ACSL1: variants seen among roughly 807,000 people sequenced by gnomAD.
ACSL1 encodes the protein acyl-CoA synthetase long chain family member 1, also known as long-chain-fatty-acid--CoA ligase 1.
In ACSL1, 41 loss-of-function variants were observed where a neutral mutation model predicts 98.4. That is an observed-to-expected ratio of 0.42 (90% CI 0.32 to 0.54). The LOEUF is 0.54. ACSL1 is among the 20% of genes least tolerant of loss of function. The probability of loss-of-function intolerance (pLI) is 0.13; values close to 1 mark genes in which losing one functional copy is unlikely to be tolerated. For synonymous variants in ACSL1, 316 were observed against 322.7 expected (o/e 0.98, Z 0.22); for missense variants, 734 against 883.1 (o/e 0.83, Z 2.14).
chr4:184,800,539 C>T (rs1579939240), intron 2 of ACSL1, among the ~76,000 whole-genome samples: 1 of 152,164 alleles, frequency 6.6e-6, no homozygotes, highest in East Asian at 1.9e-4. Context: ...TTATCTGTGA[C>T]AGTGATGTAA....
intron 5 of ACSL1, among the ~76,000 whole-genome samples, chr4:184,779,476 A>G (rs1276531095): frequency 6.6e-6 from 1 of 152,178 alleles, no homozygotes; most frequent in East Asian, 1.9e-4. Flanking sequence ...AAATGGACTA[A>G]CACACTTTTA....
intron 1 of ACSL1, among the ~76,000 whole-genome samples, chr4:184,818,490 C>T (rs1037369731): frequency 5.9e-5 from 9 of 152,272 alleles, no homozygotes; most frequent in African/African-American, 1.4e-4. Flanking sequence ...ATAAGATCTA[C>T]GTTTTGCACA....
At chr4:184,816,465 G>A (rs1278530654) in intron 1 of ACSL1, among the ~76,000 whole-genome samples, 1 of 152,092 alleles carries the variant, frequency 6.6e-6, no homozygotes, top group African/African-American at 2.4e-5. Context: ...GAAGATTATA[G>A]AATAATGACC....
rs779667530 is a variant in ACSL1 at position 184,757,808 on chromosome 4, C to A, written c.1884+11G>T. The stretch of plus-strand genomic sequence containing the variant: ...TATGATGAGGACAGACTGGACCCTT[C>A]AGAACCTTACCTTATTTCTGCACAG... On this transcript the variant is annotated intron_variant, in intron 19 of 20. Transcript: ENST00000281455. The surrounding 1 kb of genome is among the most constrained non-coding windows in gnomAD (Gnocchi z 4.5). 8.7e-6 allele frequency: 14 copies of A among 1,613,820 alleles called. No individual in the cohort carries two copies. In the African/African-American group the frequency reaches 1.6e-4, roughly 18 times the overall value.
chr4:184,801,252 C>T (rs577589598), intron 2 of ACSL1, among the ~76,000 whole-genome samples: 5 of 152,148 alleles, frequency 3.3e-5, no homozygotes, highest in East Asian at 1.9e-4. Flanking sequence ...AAACAGCCAG[C>T]GTGGGTTGTG....
At position 184,765,974 on chromosome 4, in the gene ACSL1, C is replaced by T. The variant is rs764328821; in HGVS notation, c.1276G>A (p.Gly426Arg). Reference protein sequence around the residue: ...IFHKVQSSLGGRVRLMVTGAA... With the variant: ...IFHKVQSSLGRRVRLMVTGAA... ...CCTGTCACCATCAGCCGGACTCTTC[C>T]GCCCAGGCTCGACTTTCAGGGAGGG... The change falls in exon 14 of 21, where the codon GGA becomes AGA. Residue 426 changes from glycine to arginine, a missense_variant. Transcript: ENST00000281455. 27 of 1,613,632 alleles carry T rather than the reference C, an allele frequency of 1.7e-5. No individual in the cohort carries two copies. The highest frequency in any genetic ancestry group is 1.5e-4 in the African/African-American group (11 of 74,930).
intron 3 of ACSL1, among the ~76,000 whole-genome samples, chr4:184,785,679 A>G (rs983801788): frequency 1.3e-5 from 2 of 150,602 alleles, no homozygotes; most frequent in African/African-American, 2.4e-5. Context: ...GATCAAGAAG[A>G]CTGGACATAC....
intron 5 of ACSL1, among the ~76,000 whole-genome samples, chr4:184,779,863 G>C (rs1190241806): frequency 1.3e-5 from 2 of 151,614 alleles, no homozygotes; most frequent in Middle Eastern, 3.2e-3. Context: ...CCCTGGTTCA[G>C]GTTTTCCTTT....
At chr4:184,811,589 T>C (rs1214257414) in intron 1 of ACSL1, among the ~76,000 whole-genome samples, 1 of 151,908 alleles carries the variant, frequency 6.6e-6, no homozygotes, top group African/African-American at 2.4e-5. Context: ...TTCTAGGAGG[T>C]ACCTAGAATC....
intron 1 of ACSL1, chr4:184,812,020 G>C (rs984920717): frequency 7.7e-6 from 2 of 258,720 alleles, no homozygotes; most frequent in African/African-American, 4.6e-5. Flanking sequence ...CTTCATGTGG[G>C]AGGAGGCGGC....
chr4:184,797,983 T>TA (rs1453854098), intron 2 of ACSL1, among the ~76,000 whole-genome samples: 3 of 152,352 alleles, frequency 2.0e-5, no homozygotes, highest in African/African-American at 7.2e-5. Context: ...GCTAACCATA[T>TA]ATATGCTAAC....
intron 3 of ACSL1, among the ~76,000 whole-genome samples, chr4:184,786,398 T>C (rs948158685): frequency 1.4e-5 from 2 of 147,996 alleles, no homozygotes; most frequent in African/African-American, 2.5e-5. Flanking sequence ...ACCGTATATG[T>C]GCTCTGTGGT....
At chr4:184,797,828 C>A (rs924354189) in intron 2 of ACSL1, among the ~76,000 whole-genome samples, 1 of 152,192 alleles carries the variant, frequency 6.6e-6, no homozygotes, top group African/African-American at 2.4e-5. Context: ...GTACTGTGCA[C>A]ATCATGCCAG....
rs548880116 is a variant in ACSL1, at chr4:184,781,797, G to A, written c.376-1364C>T. ...GCTGATTTTTGTATTTTTCAGTAAA[G>A]ACAGGGTTTTGCCATGTTGGCCAGG... On this transcript the variant is annotated intron_variant, in intron 4 of 20. Transcript: ENST00000281455. Among the ~76,000 whole-genome samples, 394 of 152,270 alleles carry A rather than the reference G, an allele frequency of 2.6e-3. 2 individuals carry two copies. The highest frequency in any genetic ancestry group is 4.2e-3 in the Non-Finnish European group (289 of 68,016).
chr4:184,794,668 G>C (rs1769031257), intron 2 of ACSL1, among the ~76,000 whole-genome samples: 4 of 152,200 alleles, frequency 2.6e-5, no homozygotes, highest in African/African-American at 9.7e-5. Context: ...GTGGAGCAGA[G>C]CTTCGAACCT....
intron 1 of ACSL1, among the ~76,000 whole-genome samples, chr4:184,821,460 G>A (rs547800676): frequency 1.9e-4 from 29 of 152,210 alleles, no homozygotes; most frequent in African/African-American, 6.0e-4. Context: ...GGCAGGCCCC[G>A]TTTCCTCCTC....
At chr4:184,759,933 C>CT (rs1473399859) in intron 18 of ACSL1, among the ~76,000 whole-genome samples, 2 of 152,202 alleles carry the variant, frequency 1.3e-5, no homozygotes, top group African/African-American at 4.8e-5. Context: ...TGATTTTCAA[C>CT]TTTGAGTATT....
intron 1 of ACSL1, among the ~76,000 whole-genome samples, chr4:184,816,689 G>A (rs9997745): frequency 0.24 from 36,850 of 151,948 alleles, 7,125 homozygotes; most frequent in African/African-American, 0.54. Flanking sequence ...AATGATCAAC[G>A]TTTTGCTGTT....
At chr4:184,814,507 C>T (rs2150487800) in intron 1 of ACSL1, among the ~76,000 whole-genome samples, 1 of 152,158 alleles carries the variant, frequency 6.6e-6, no homozygotes, top group East Asian at 1.9e-4. Context: ...ATGTTAAAAC[C>T]TTCAATTCTA....
Sources: allele counts gnomAD v4.1 joint callset (sites outside exome capture counted in the v4.1 genomes callset), GRCh38; gene constraint gnomAD v4.1.1; non-coding constraint Gnocchi (gnomAD v3.1); transcripts MANE v1.5; gene names NCBI Gene and HGNC (gene_info 2026-07-23, HGNC 2026-07-21).